The following EXOC4 variants were observed in gnomAD, a reference collection of about 807,000 sequenced individuals.
The protein encoded by EXOC4 is SEC8-like 1.
In EXOC4, 71 loss-of-function variants were observed where a neutral mutation model predicts 107.2. That is an observed-to-expected ratio of 0.66 (90% CI 0.55 to 0.81). The LOEUF (loss-of-function observed/expected upper bound fraction) is 0.81. Ranked by LOEUF, EXOC4 falls within the 30% of genes least tolerant of loss-of-function variation. EXOC4 has a pLI of 0.00. For synonymous variants in EXOC4, 456 were observed against 441.2 expected (o/e 1.03, Z -0.42); for missense variants, 1,108 against 1,189.6 (o/e 0.93, Z 1.01).
intron 10 of EXOC4, among the ~76,000 whole-genome samples, chr7:133,635,976 C>T (rs1446672535): frequency 6.6e-6 from 1 of 152,128 alleles, no homozygotes; most frequent in Non-Finnish European, 1.5e-5. Flanking sequence ...ATTTAATCGT[C>T]CTTTTAGCAT....
At chr7:134,043,652 C>T (rs1308067071) in intron 17 of EXOC4, among the ~76,000 whole-genome samples, 4 of 152,154 alleles carry the variant, frequency 2.6e-5, no homozygotes, top group African/African-American at 4.8e-5. Context: ...TGTGACACCT[C>T]CCAGCATCAC....
intron 10 of EXOC4, among the ~76,000 whole-genome samples, chr7:133,642,856 A>T (rs1449958999): frequency 6.6e-6 from 1 of 151,940 alleles, no homozygotes; most frequent in East Asian, 1.9e-4. Flanking sequence ...TATTTTCAAA[A>T]TTTTTTTCTT....
intron 14 of EXOC4, among the ~76,000 whole-genome samples, chr7:133,977,738 T>G (rs1169489064): frequency 1.1e-5 from 1 of 88,196 alleles, no homozygotes; most frequent in Non-Finnish European, 2.1e-5. Context: ...TTTTGTTGTT[T>G]TGTGTGTGTG....
chr7:133,317,193 C>CA, intron 4 of EXOC4, 91 bp from the exon 5 acceptor site: 4 of 840,786 alleles, frequency 4.8e-6, no homozygotes, highest in Non-Finnish European at 8.0e-6. Flanking sequence ...GGGCTCATGA[C>CA]AAAAACAAAA....
chr7:134,089,854 C>T, the EXOC4 span, among the ~76,000 whole-genome samples: 3 of 152,052 alleles, frequency 2.0e-5, no homozygotes, highest in South Asian at 2.1e-4. Context: ...TTCCACATGT[C>T]CCCAGGCCTT....
chr7:133,735,079 A>C (rs1410604479), intron 10 of EXOC4, among the ~76,000 whole-genome samples: 1 of 148,502 alleles, frequency 6.7e-6, no homozygotes, highest in African/African-American at 2.5e-5. Context: ...TACAAAAATT[A>C]GCCGGGCATG....
intron 10 of EXOC4, among the ~76,000 whole-genome samples, chr7:133,778,632 G>A (rs1048834792): frequency 2.6e-5 from 4 of 152,178 alleles, no homozygotes; most frequent in African/African-American, 9.7e-5. Flanking sequence ...AGGTCAGAAG[G>A]TTGTGACCAC....
At chr7:133,397,134 C>CTTTTT (rs72268035) in intron 7 of EXOC4, among the ~76,000 whole-genome samples, 4 of 146,556 alleles carry the variant, frequency 2.7e-5, no homozygotes, top group East Asian at 4.0e-4. Context: ...GTTTTCTTTT[C>CTTTTT]TTTTTTTTTT....
intron 17 of EXOC4, among the ~76,000 whole-genome samples, chr7:134,039,131 G>T (rs143678970): frequency 9.3e-4 from 142 of 152,284 alleles, no homozygotes; most frequent in African/African-American, 3.3e-3. Flanking sequence ...ATGGGTGAAA[G>T]ATTGCTATAT....
At chr7:133,844,993 C>T (rs1423720185) in intron 11 of EXOC4, among the ~76,000 whole-genome samples, 1 of 152,014 alleles carries the variant, frequency 6.6e-6, no homozygotes, top group East Asian at 1.9e-4. Flanking sequence ...TTGATTAACT[C>T]GAGCCTGAAA....
chr7:133,968,653 A>T (rs967654317), intron 14 of EXOC4, among the ~76,000 whole-genome samples: 6 of 152,100 alleles, frequency 3.9e-5, no homozygotes, highest in Admixed American at 3.9e-4. Flanking sequence ...TTCTTTAAGA[A>T]TGTTGAATAT....
chr7:133,406,170 G>C (rs191581231), intron 7 of EXOC4, among the ~76,000 whole-genome samples: 2 of 152,284 alleles, frequency 1.3e-5, no homozygotes, highest in South Asian at 2.1e-4. Context: ...CAGAGACTGA[G>C]AGTAATTTGT....
intron 11 of EXOC4, among the ~76,000 whole-genome samples, chr7:133,828,275 T>G (rs1275857187): frequency 6.6e-6 from 1 of 152,186 alleles, no homozygotes; most frequent in Non-Finnish European, 1.5e-5. Flanking sequence ...TCCTTAAATG[T>G]TAGAGAAGAG....
chr7:133,958,525 A>T (rs1800868866), intron 14 of EXOC4, among the ~76,000 whole-genome samples: 1 of 152,106 alleles, frequency 6.6e-6, no homozygotes, highest in African/African-American at 2.4e-5. Context: ...GTTCTCTCTG[A>T]CTTTCTACTT....
At chr7:133,923,128 CTTTTTTTT>C (rs35715979) in intron 13 of EXOC4, among the ~76,000 whole-genome samples, 2 of 126,524 alleles carry the variant, frequency 1.6e-5, no homozygotes, top group African/African-American at 6.0e-5. Flanking sequence ...AGAGTTTACA[CTTTTTTTT>C]TTTTTTTTTT....
At chr7:133,454,823 A>G (rs939896061) in intron 7 of EXOC4, among the ~76,000 whole-genome samples, 1 of 152,188 alleles carries the variant, frequency 6.6e-6, no homozygotes, top group African/African-American at 2.4e-5. Context: ...TATAGGCCAG[A>G]CACAGTGGCA....
chr7:134,081,441 C>G, the EXOC4 span, among the ~76,000 whole-genome samples: 1 of 152,154 alleles, frequency 6.6e-6, no homozygotes, highest in Non-Finnish European at 1.5e-5. Flanking sequence ...TTTTTATTGC[C>G]ATTTGACATT....
At chr7:133,911,142 T>C (rs1799684370) in intron 12 of EXOC4, among the ~76,000 whole-genome samples, 1 of 152,196 alleles carries the variant, frequency 6.6e-6, no homozygotes, top group African/African-American at 2.4e-5. Flanking sequence ...AGTTACACAG[T>C]TGGCTCTGTC....
At chr7:133,970,400 A>G (rs1801178426) in intron 14 of EXOC4, among the ~76,000 whole-genome samples, 3 of 151,984 alleles carry the variant, frequency 2.0e-5, no homozygotes, top group Admixed American at 2.0e-4. Flanking sequence ...TATGAAAAAA[A>G]AAATCCTGTA....
Sources: gnomAD v4.1 joint callset for allele counts (sites outside exome capture counted in the v4.1 genomes callset) on GRCh38, gnomAD v4.1.1 for gene constraint, MANE v1.5 for transcripts, NCBI Gene and HGNC (gene_info 2026-07-23, HGNC 2026-07-21) for gene names.